Variants in SLC22A3 observed in about 807,000 individuals in gnomAD.
SLC22A3 encodes the protein solute carrier family 22 member 3, also known as EMT organic cation transporter 3.
In SLC22A3, 51 loss-of-function variants were observed where a neutral mutation model predicts 59.1. The ratio of observed to expected loss-of-function variants is 0.86; its 90% confidence interval spans 0.69 to 1.09. The LOEUF is 1.09. SLC22A3 is among the 50% of genes least tolerant of loss of function. The pLI, the probability that SLC22A3 is intolerant of heterozygous loss-of-function variation, is 0.00. For missense variants in SLC22A3, 711 were observed against 726.3 expected (o/e 0.98, Z 0.24); for synonymous variants, 325 against 292.0 (o/e 1.11, Z -1.15).
At chr6:160,416,531 C>T (rs1378732346) in intron 5 of SLC22A3, among the ~76,000 whole-genome samples, 1 of 152,044 alleles carries the variant, frequency 6.6e-6, no homozygotes, top group African/African-American at 2.4e-5. Flanking sequence ...TACAGCATGA[C>T]AGCGTCTCAC....
In SLC22A3 at chr6:160,421,473, C is replaced by T. The variant is rs540303693; in HGVS notation, c.975+10627C>T. Among the ~76,000 whole-genome samples the T allele has an allele frequency of 4.6e-5, 7 of 152,322 alleles. No homozygotes were observed. In the South Asian group the frequency reaches 1.0e-3, roughly 23 times the overall value. ...CTAAATGCGTGGGCTTCCCCCTTTT[C>T]CTTCTCAAAGGCTGAGCTTCCCCTT... On this transcript the variant is annotated intron_variant, in intron 5 of 10. Transcript: ENST00000275300.
chr6:160,441,473 T>A (rs1788537260), intron 7 of SLC22A3, among the ~76,000 whole-genome samples: 1 of 152,152 alleles, frequency 6.6e-6, no homozygotes, highest in South Asian at 2.1e-4. Flanking sequence ...AAACATCAAG[T>A]GCACCAGGAT....
In SLC22A3 at chr6:160,451,152, A is replaced by T; in HGVS notation, c.*96A>T. On this transcript the variant is annotated 3_prime_UTR_variant, in exon 11 of 11. Coordinates refer to ENST00000275300, the MANE Select transcript of SLC22A3 (RefSeq NM_021977.4). ...AGATGCACGTGTGCATTTCAGCTAC[A>T]TCATGCCGCGCTGTTGTAATACTGT... 9.1e-7 allele frequency: 1 copy of T among 1,094,868 alleles called. No homozygotes were observed. The highest frequency in any genetic ancestry group is 1.6e-5 in the African/African-American group (1 of 64,320). 67.8% of individuals were successfully genotyped at this position (1,094,868 alleles called of 1,614,324 possible). A position where few individuals can be genotyped will look rare whatever the true frequency, so the allele number is the denominator to read the frequency against.
intron 1 of SLC22A3, among the ~76,000 whole-genome samples, chr6:160,377,411 G>A (rs1270555016): frequency 6.6e-6 from 1 of 151,900 alleles, no homozygotes; most frequent in African/African-American, 2.4e-5. Flanking sequence ...CTTGAACCCA[G>A]AAGGTGGAGG....
At chr6:160,410,647 T>C in intron 4 of SLC22A3, 82 bp from the exon 5 acceptor site, 1 of 862,828 alleles carries the variant, frequency 1.2e-6, no homozygotes, top group Non-Finnish European at 2.0e-6. Context: ...GCAAGATCCA[T>C]TTTGATAGAA....
At chr6:160,391,647 A>G (rs187945341) in intron 1 of SLC22A3, among the ~76,000 whole-genome samples, 3 of 152,298 alleles carry the variant, frequency 2.0e-5, no homozygotes, top group Non-Finnish European at 4.4e-5. Flanking sequence ...AGAACCTTTC[A>G]TCTTCTTCTC....
At chr6:160,385,849 G>A (rs1303286320) in intron 1 of SLC22A3, among the ~76,000 whole-genome samples, 1 of 152,200 alleles carries the variant, frequency 6.6e-6, no homozygotes, top group East Asian at 1.9e-4. Context: ...CCATTCTCTA[G>A]TTTCTATCTG....
intron 5 of SLC22A3, 72 bp from the exon 6 acceptor site, chr6:160,436,708 A>G: frequency 2.1e-6 from 2 of 933,468 alleles, no homozygotes; most frequent in Non-Finnish European, 3.4e-6. Context: ...ATTCTGGTTA[A>G]TGACAAGTCT....
chr6:160,448,410 G>C (rs1788825614), intron 10 of SLC22A3, among the ~76,000 whole-genome samples: 2 of 152,112 alleles, frequency 1.3e-5, no homozygotes, highest in Middle Eastern at 3.2e-3. Context: ...ATCATAGATA[G>C]ATAAGTGATA....
chr6:160,370,860 G>A (rs191887471), intron 1 of SLC22A3, among the ~76,000 whole-genome samples: 489 of 152,162 alleles, frequency 3.2e-3, no homozygotes, highest in South Asian at 0.014. Flanking sequence ...TTGTAATCCT[G>A]TCCTAGGCTT....
intron 7 of SLC22A3, among the ~76,000 whole-genome samples, chr6:160,438,992 A>T (rs1390130864): frequency 2.0e-5 from 3 of 152,010 alleles, no homozygotes; most frequent in Non-Finnish European, 4.4e-5. Flanking sequence ...CTTATTTCCA[A>T]ATGTAGTAGC....
At chr6:160,366,708 C>A (rs1785218286) in intron 1 of SLC22A3, among the ~76,000 whole-genome samples, 8 of 152,182 alleles carry the variant, frequency 5.3e-5, no homozygotes, top group Admixed American at 2.6e-4. Flanking sequence ...TTCCATACAT[C>A]CTTTGAAATC....
chr6:160,414,081 G>C (rs1255768264), intron 5 of SLC22A3, among the ~76,000 whole-genome samples: 1 of 152,102 alleles, frequency 6.6e-6, no homozygotes, highest in Non-Finnish European at 1.5e-5. Flanking sequence ...CCTGTCAATT[G>C]GTAGTTAGAT....
intron 2 of SLC22A3, among the ~76,000 whole-genome samples, chr6:160,406,797 A>C (rs1787030856): frequency 6.6e-6 from 1 of 152,210 alleles, no homozygotes; most frequent in Non-Finnish European, 1.5e-5. Context: ...TGTGTGAAAC[A>C]ATAGTTTCAA....
At chr6:160,376,081 G>A (rs539244552) in intron 1 of SLC22A3, among the ~76,000 whole-genome samples, 29 of 152,192 alleles carry the variant, frequency 1.9e-4, no homozygotes, top group African/African-American at 6.7e-4. Context: ...TTTTACAATA[G>A]CAAAGACATG....
At chr6:160,386,474 A>G (rs1413127497) in intron 1 of SLC22A3, among the ~76,000 whole-genome samples, 1 of 152,246 alleles carries the variant, frequency 6.6e-6, no homozygotes, top group East Asian at 1.9e-4. Context: ...AATCTTATAA[A>G]GTTTCCCTAT....
At chr6:160,425,306 C>A (rs545190825) in intron 5 of SLC22A3, among the ~76,000 whole-genome samples, 1 of 152,244 alleles carries the variant, frequency 6.6e-6, no homozygotes, top group Admixed American at 6.5e-5. Context: ...ATGAAGTTGT[C>A]CCAGAAACGA....
rs773674267 is a variant in SLC22A3, at chr6:160,449,210, TTTTTTG to T, written c.1610+1408_1610+1413del. ...TTAAAAATAAACAGCTAGGAGAGGTTTTTTTGTTTTTGTTTTTGTTTGTTTTTGGCT... is the reference window on the plus strand; with the variant it reads ...TTAAAAATAAACAGCTAGGAGAGGTTTTTTTGTTTTTGTTTGTTTTTGGCT... On this transcript the variant is annotated intron_variant, in intron 10 of 10. Transcript: ENST00000275300. 7.9e-5 allele frequency among the ~76,000 whole-genome samples: 12 copies of T among 152,222 alleles called. 1 individual carries two copies. The highest frequency in any genetic ancestry group is 2.0e-4 in the Admixed American group (3 of 15,282).
chr6:160,393,901 C>T (rs1345694497), intron 1 of SLC22A3, among the ~76,000 whole-genome samples: 1 of 152,242 alleles, frequency 6.6e-6, no homozygotes, highest in Admixed American at 6.5e-5. Flanking sequence ...CACTTGGAAA[C>T]CCTTCAAAAG....
Sources: allele counts gnomAD v4.1 joint callset (sites outside exome capture counted in the v4.1 genomes callset), GRCh38; gene constraint gnomAD v4.1.1; transcripts MANE v1.5; gene names NCBI Gene and HGNC (gene_info 2026-07-23, HGNC 2026-07-21).